Variants in EXOC2 observed in about 807,000 individuals in gnomAD.
EXOC2 encodes the protein SEC5-like 1.
A neutral mutation model predicts 131.8 loss-of-function variants in EXOC2; 70 were observed. The observed-to-expected ratio is 0.53, with a 90% CI of 0.44 to 0.65. The LOEUF (loss-of-function observed/expected upper bound fraction) is 0.65. EXOC2 is among the 30% of genes least tolerant of loss of function. The pLI is 0.00. For missense variants in EXOC2, 923 were observed against 1,108.6 expected, an observed-to-expected ratio of 0.83 and a Z score of 2.38; for synonymous variants, 411 against 398.4, an observed-to-expected ratio of 1.03 and a Z score of -0.38.
chr6:560,357 GTTTTCCC>G (rs1369390440), intron 17 of EXOC2, among the ~76,000 whole-genome samples: 1 of 152,152 alleles, frequency 6.6e-6, no homozygotes, highest in African/African-American at 2.4e-5. Context: ...AGTGCAATAA[GTTTTCCC>G]TTCACACCAG....
intron 22 of EXOC2, 55 bp from the exon 23 acceptor site, chr6:532,665 T>C: frequency 1.5e-6 from 2 of 1,350,876 alleles, no homozygotes; most frequent in Admixed American, 5.8e-5. Context: ...ATGGAAAAAG[T>C]AAAATAATGT....
intron 25 of EXOC2, among the ~76,000 whole-genome samples, chr6:496,757 A>G (rs1230692095): frequency 6.6e-6 from 1 of 152,132 alleles, no homozygotes; most frequent in Admixed American, 6.6e-5. Context: ...TACAGTTGTT[A>G]TTTGTGGTGG....
chr6:631,491 T>C (rs539784805), intron 3 of EXOC2, among the ~76,000 whole-genome samples: 58 of 151,858 alleles, frequency 3.8e-4, no homozygotes, highest in African/African-American at 1.3e-3. Context: ...TAAGCCAAGA[T>C]TGAGATCGCG....
chr6:568,645 C>G (rs950151860), intron 13 of EXOC2, among the ~76,000 whole-genome samples: 1 of 152,154 alleles, frequency 6.6e-6, no homozygotes, highest in Admixed American at 6.5e-5. Flanking sequence ...GAGGCACATG[C>G]CAGTATAAAA....
chr6:658,672 T>TATATATATATA (rs1763273691), intron 1 of EXOC2, among the ~76,000 whole-genome samples: 1 of 140,136 alleles, frequency 7.1e-6, no homozygotes, highest in Non-Finnish European at 1.6e-5. Flanking sequence ...TATATTTTTT[T>TATATATATATA]TTTTTTTAGA....
intron 24 of EXOC2, among the ~76,000 whole-genome samples, chr6:498,987 T>TA (rs1465474663): frequency 6.6e-6 from 1 of 152,224 alleles, no homozygotes; most frequent in African/African-American, 2.4e-5. Context: ...ATCATGGTGG[T>TA]AGCTCTGGTC....
chr6:579,527 T>A (rs1581481513), intron 11 of EXOC2, among the ~76,000 whole-genome samples: 1 of 152,202 alleles, frequency 6.6e-6, no homozygotes, highest in Non-Finnish European at 1.5e-5. Flanking sequence ...TTTTGCTGAG[T>A]GTCCAGAAGG....
chr6:530,181 G>C (rs1346606092), intron 23 of EXOC2, among the ~76,000 whole-genome samples: 1 of 152,234 alleles, frequency 6.6e-6, no homozygotes, highest in Non-Finnish European at 1.5e-5. Context: ...AACAGTGGAA[G>C]CTAGAACACT....
chr6:537,496 C>T (rs1479653442), intron 22 of EXOC2, among the ~76,000 whole-genome samples: 5 of 152,002 alleles, frequency 3.3e-5, no homozygotes, highest in East Asian at 1.9e-4. Flanking sequence ...TGATGACCGA[C>T]GGAGCGTACA....
In EXOC2 at chr6:599,190, C is replaced by T; in HGVS notation, c.778G>A (p.Val260Ile). 1.2e-6 allele frequency: 2 copies of T among 1,608,860 alleles called. No homozygotes were observed. The highest frequency in any genetic ancestry group is 1.7e-6 in the Non-Finnish European group (2 of 1,176,738). Residue 260 changes from valine to isoleucine, a missense_variant, in exon 8 of 28, where the codon GTA becomes ATA. Coordinates refer to ENST00000230449, the MANE Select transcript of EXOC2 (RefSeq NM_018303.6). ...TCTGCCTTGTCTTTCCGACCTAATA[C>T]TTCTTGAAACAATGTGTCTGCAGTA... ...SNTADTLFQEVLGRKDKADST... is the reference protein window; with the variant it reads ...SNTADTLFQEILGRKDKADST...
chr6:656,363 C>T (rs1306851498), intron 1 of EXOC2: 1 of 1,614,214 alleles, frequency 6.2e-7, no homozygotes, highest in Non-Finnish European at 8.5e-7. Flanking sequence ...CCACCTCCGT[C>T]TCTATACTCA....
intron 23 of EXOC2, among the ~76,000 whole-genome samples, chr6:521,108 G>A (rs1199033965): frequency 2.1e-5 from 3 of 145,312 alleles, no homozygotes; most frequent in Non-Finnish European, 4.5e-5. Context: ...GTCCACACTC[G>A]GACATGAAAA....
intron 1 of EXOC2, among the ~76,000 whole-genome samples, chr6:679,762 T>C (rs899121503): frequency 6.6e-6 from 1 of 152,130 alleles, no homozygotes; most frequent in African/African-American, 2.4e-5. Flanking sequence ...TGAAACATTA[T>C]GAAAAACATG....
At chr6:486,836 GA>G in intron 27 of EXOC2, 72 bp from the exon 28 acceptor site, 1 of 1,208,792 alleles carries the variant, frequency 8.3e-7, no homozygotes, top group Non-Finnish European at 1.2e-6. Context: ...AACACCAGGG[GA>G]GCCAGTGCCC....
At chr6:497,603 A>AT in intron 24 of EXOC2, 114 bp from the exon 25 acceptor site, 2 of 1,401,492 alleles carry the variant, frequency 1.4e-6, no homozygotes, top group Non-Finnish European at 1.9e-6. Context: ...CTTCTAAGTC[A>AT]TTTTTAAAAG....
intron 1 of EXOC2, among the ~76,000 whole-genome samples, chr6:674,694 C>A (rs1330469542): frequency 1.3e-5 from 2 of 151,646 alleles, no homozygotes; most frequent in African/African-American, 4.9e-5. Flanking sequence ...ACAAAAAGTC[C>A]TGGCCCTTGT....
Position 546,159 on chromosome 6 carries a change from A to G in EXOC2, c.2238+3016T>C, listed in dbSNP as rs564460243. Among the ~76,000 whole-genome samples, 13 of 152,176 alleles carry G rather than the reference A, an allele frequency of 8.5e-5. No individual in the cohort carries two copies. In the South Asian group the frequency reaches 2.7e-3, roughly 32 times the overall value. On this transcript the variant is annotated intron_variant, in intron 22 of 27. Coordinates refer to ENST00000230449, the MANE Select transcript of EXOC2 (RefSeq NM_018303.6). ...TTCCCAATATTTTTTCTTTTTAAGA[A>G]TAACGGTTGGATCTTACTTTTATAA...
At position 486,698 on chromosome 6, in the gene EXOC2, T is replaced by A; in HGVS notation, c.2748A>T (p.Ala916=). Residue 916 remains alanine, a synonymous_variant, in exon 28 of 28, where the codon GCA becomes GCT. Transcript: ENST00000230449. ...SMHLQLTCFQ[A]ASSTMMKT is the part of the protein sequence containing the mutation. Reference sequence around the variant, plus strand: ...ATGTTTTCATCATGGTTGAAGAAGCTGCTTGGAAACAGGTGAGCTGCAAGT... The same window carrying A: ...ATGTTTTCATCATGGTTGAAGAAGCAGCTTGGAAACAGGTGAGCTGCAAGT... 6.2e-7 allele frequency: 1 copy of A among 1,614,222 alleles called. No homozygotes were observed. The highest frequency in any genetic ancestry group is 8.5e-7 in the Non-Finnish European group (1 of 1,180,034).
intron 23 of EXOC2, among the ~76,000 whole-genome samples, chr6:526,217 T>C (rs1271361150): frequency 1.3e-5 from 2 of 152,214 alleles, no homozygotes; most frequent in Non-Finnish European, 2.9e-5. Flanking sequence ...TTTTTTTCTC[T>C]GTACCTTTGC....
Sources: gnomAD v4.1 joint callset for allele counts (sites outside exome capture counted in the v4.1 genomes callset) on GRCh38, gnomAD v4.1.1 for gene constraint, MANE v1.5 for transcripts, NCBI Gene and HGNC (gene_info 2026-07-23, HGNC 2026-07-21) for gene names.